ANKRD36: variants seen among roughly 807,000 people sequenced by gnomAD.
The protein encoded by ANKRD36 is ankyrin repeat domain 36.
A neutral mutation model predicts 278.1 loss-of-function variants in ANKRD36; 179 were observed. That is an observed-to-expected ratio of 0.64 (90% CI 0.57 to 0.73). The LOEUF (loss-of-function observed/expected upper bound fraction) is 0.73, where lower values mean the gene tolerates loss of function less well. ANKRD36 is among the 30% of genes least tolerant of loss of function. The pLI is 0.00. For synonymous variants in ANKRD36, 320 were observed against 641.1 expected, an observed-to-expected ratio of 0.50 and a Z score of 7.57; for missense variants, 1,159 against 1,956.7, an observed-to-expected ratio of 0.59 and a Z score of 7.69.
In ANKRD36 at chr2:97,198,610, G is replaced by T. The variant is rs1197072797; in HGVS notation, c.2707G>T (p.Val903Phe). 40 of 1,545,318 alleles carry T rather than the reference G, an allele frequency of 2.6e-5. No homozygotes were observed. The highest frequency in any genetic ancestry group is 1.6e-4 in the Admixed American group (8 of 50,688). Residue 903 changes from valine to phenylalanine, a missense_variant, in exon 44 of 76, where the codon GTT (valine) becomes TTT (phenylalanine). Transcript: ENST00000420699. Reference sequence around the variant, plus strand: ...GGCTTCAAGTGCCGAGAAAGATTCTGTTTTGAATATAGCCAGAGGAAAAAA... The same window carrying T: ...GGCTTCAAGTGCCGAGAAAGATTCTTTTTTGAATATAGCCAGAGGAAAAAA... The part of the protein sequence containing the change: ...LKASSAEKDS[V>F]LNIARGKKDG...
chr2:97,197,804 G>C (rs1460967626), intron 42 of ANKRD36, among the ~76,000 whole-genome samples: 2 of 151,878 alleles, frequency 1.3e-5, no homozygotes, highest in African/African-American at 4.8e-5. Context: ...ATCCTTTGGT[G>C]CCAAGACTGG....
rs973909280 is a variant in ANKRD36, at chr2:97,193,051, C to A, written c.2447C>A (p.Thr816Lys). The stretch of plus-strand genomic sequence containing the variant: ...AACAAGGATGGAGAAAAATCTAGGA[C>A]AGGTAATTTTGAAAAGAGATTTAAT... Reference protein sequence around the residue: ...RENKDGEKSRTVSSRKKPALK... With the variant: ...RENKDGEKSRKVSSRKKPALK... Residue 816 changes from threonine (T) to lysine (K), a missense_variant and splice_region_variant, in exon 38 of 76, where the codon ACA becomes AAA. Transcript: ENST00000420699. 5 of 1,549,688 alleles carry A rather than the reference C, an allele frequency of 3.2e-6. No homozygotes were observed. In the African/African-American group the frequency reaches 5.5e-5, roughly 17 times the overall value.
chr2:97,199,123 A>G (rs1430731853), intron 44 of ANKRD36, among the ~76,000 whole-genome samples: 40 of 151,896 alleles, frequency 2.6e-4, no homozygotes, highest in African/African-American at 6.8e-4. Context: ...GGATTGTGAG[A>G]CAGGAAGGTG....
At chr2:97,134,787 G>C (rs2041060467) in intron 6 of ANKRD36, among the ~76,000 whole-genome samples, 1 of 151,982 alleles carries the variant, frequency 6.6e-6, no homozygotes, top group South Asian at 2.1e-4. Flanking sequence ...ATATTAGAAA[G>C]TACTCCCTGG....
chr2:97,118,233 A>G, intron 2 of ANKRD36, 55 bp downstream of exon 2: 1 of 1,578,064 alleles, frequency 6.3e-7, no homozygotes, highest in Non-Finnish European at 8.6e-7. Flanking sequence ...AGTACATAGG[A>G]TAAAATGAAT....
rs2046241778 is a variant in ANKRD36 at position 97,152,198 on chromosome 2, G to A, written c.1162+259G>A. 2.0e-5 allele frequency among the ~76,000 whole-genome samples: 3 copies of A among 147,058 alleles called. 1 individual carries two copies. Among genetic ancestry groups the A allele is most frequent in the Non-Finnish European group, 4.6e-5 (3 of 65,024 alleles). The stretch of plus-strand genomic sequence containing the variant: ...AGTGGATTTGGAGTTTCACCATGTT[G>A]TCCAGGCTGGTCTCAAACTTTTGAC... On this transcript the variant is annotated intron_variant, in intron 13 of 75. Transcript: ENST00000420699.
At chr2:97,212,300 T>C (rs1314529039) in intron 58 of ANKRD36, among the ~76,000 whole-genome samples, 1 of 151,884 alleles carries the variant, frequency 6.6e-6, no homozygotes, top group Non-Finnish European at 1.5e-5. Flanking sequence ...TTTGGAACAT[T>C]TGCATAAAAG....
At chr2:97,260,182 A>G (rs2076546113) in intron 75 of ANKRD36, among the ~76,000 whole-genome samples, 2 of 82,528 alleles carry the variant, frequency 2.4e-5, no homozygotes, top group Admixed American at 1.6e-4. Flanking sequence ...TATGGCAGGT[A>G]TAGGCTTACA....
intron 24 of ANKRD36, among the ~76,000 whole-genome samples, 155 bp downstream of exon 24, chr2:97,180,088 A>G (rs1291733273): frequency 2.0e-5 from 3 of 151,586 alleles, no homozygotes; most frequent in African/African-American, 4.8e-5. Flanking sequence ...GGTGACCCTG[A>G]TGCTGCTGGT....
intron 6 of ANKRD36, among the ~76,000 whole-genome samples, chr2:97,141,321 ACAT>A (rs2042864180): frequency 6.8e-6 from 1 of 147,900 alleles, no homozygotes; most frequent in Non-Finnish European, 1.5e-5. Flanking sequence ...TACCTTATTT[ACAT>A]GGGAATCTGA....
At chr2:97,147,273 T>A (rs763556609) in intron 11 of ANKRD36, among the ~76,000 whole-genome samples, 8 of 151,938 alleles carry the variant, frequency 5.3e-5, no homozygotes, top group Non-Finnish European at 1.0e-4. Context: ...TTTTGTGGAT[T>A]CTTCTTTTTT....
chr2:97,191,802 T>C (rs1165239417), intron 36 of ANKRD36, among the ~76,000 whole-genome samples: 1 of 151,708 alleles, frequency 6.6e-6, no homozygotes, highest in Non-Finnish European at 1.5e-5. Context: ...GAAACAATGC[T>C]AGAATTGCCA....
Position 97,211,672 on chromosome 2 carries a change from A to C in ANKRD36, c.3400A>C (p.Ile1134Leu), listed in dbSNP as rs775480516. The part of the protein sequence containing the change: ...SSPKQPALKA[I>L]CDKEDSVPNM... ...TTTTGTTTCAAATTCTATTCAGGCT[A>C]TCTGTGACAAGGAAGATTCTGTTCC... Residue 1134 changes from isoleucine to leucine, a missense_variant, in exon 58 of 76, where the codon ATC becomes CTC. Physicochemically the swap from Ile to Leu is conservative, Grantham distance 5 (BLOSUM62 2). Coordinates refer to ENST00000420699, the MANE Select transcript of ANKRD36 (RefSeq NM_001354587.1). 3.8e-6 allele frequency: 6 copies of C among 1,593,618 alleles called. No homozygotes were observed. The highest frequency in any genetic ancestry group is 1.7e-4 in the Middle Eastern group (1 of 6,044).
At chr2:97,204,293 T>G (rs2062209952) in intron 50 of ANKRD36, 30 bp downstream of exon 50, 2 of 1,538,246 alleles carry the variant, frequency 1.3e-6, no homozygotes, top group South Asian at 1.2e-5. Flanking sequence ...TAATGTCATG[T>G]TCAGTGCAGA....
chr2:97,202,167 C>T (rs775888236), intron 46 of ANKRD36, 35 bp from the exon 47 acceptor site: 36 of 1,607,360 alleles, frequency 2.2e-5, no homozygotes, highest in Middle Eastern at 1.7e-4. Context: ...GTCATATTTA[C>T]GTATGACTGA....
chr2:97,228,822 T>G (rs1256103316), intron 67 of ANKRD36, among the ~76,000 whole-genome samples: 2 of 151,852 alleles, frequency 1.3e-5, no homozygotes, highest in Non-Finnish European at 2.9e-5. Flanking sequence ...GTCCCAGAGA[T>G]TCTGGTATGT....
At chr2:97,116,052 G>A (rs767598932) in intron 1 of ANKRD36, among the ~76,000 whole-genome samples, 12 of 151,766 alleles carry the variant, frequency 7.9e-5, no homozygotes, top group Non-Finnish European at 1.6e-4. Flanking sequence ...AACAATCTAT[G>A]GTGTTTGTAA....
chr2:97,137,634 A>G (rs2041881798), intron 6 of ANKRD36, among the ~76,000 whole-genome samples: 1 of 152,002 alleles, frequency 6.6e-6, no homozygotes, highest in Admixed American at 6.6e-5. Flanking sequence ...TAATGGGATT[A>G]CTGGCTCAAA....
chr2:97,207,587 A>G (rs1384542044), intron 52 of ANKRD36, among the ~76,000 whole-genome samples: 3 of 151,596 alleles, frequency 2.0e-5, no homozygotes, highest in South Asian at 4.2e-4. Flanking sequence ...ACATATGACA[A>G]ATCATACCAT....
Sources: allele counts gnomAD v4.1 joint callset (sites outside exome capture counted in the v4.1 genomes callset), GRCh38; gene constraint gnomAD v4.1.1; transcripts MANE v1.5; gene names NCBI Gene and HGNC (gene_info 2026-07-23, HGNC 2026-07-21).